PDE4B: variants seen among roughly 807,000 people sequenced by gnomAD.
The protein encoded by PDE4B is phosphodiesterase 4B.
Under a neutral mutation model 82.2 loss-of-function variants are expected in PDE4B, and 20 were observed. The observed-to-expected ratio is 0.24, with a 90% CI of 0.17 to 0.35. PDE4B has a LOEUF of 0.35. Ranked by LOEUF, PDE4B falls within the 10% of genes least tolerant of loss-of-function variation. PDE4B has a pLI of 1.00. For missense variants in PDE4B, 655 were observed against 907.2 expected (o/e 0.72, Z 3.57); for synonymous variants, 320 against 318.9 (o/e 1.00, Z -0.04).
chr1:66,010,081 A>T (rs1227082183), intron 3 of PDE4B, among the ~76,000 whole-genome samples: 2 of 152,072 alleles, frequency 1.3e-5, no homozygotes, highest in African/African-American at 2.4e-5. Context: ...AACACATGGT[A>T]GCACATGGTA....
chr1:65,856,268 C>T (rs1373303146), intron 1 of PDE4B, among the ~76,000 whole-genome samples: 1 of 152,064 alleles, frequency 6.6e-6, no homozygotes, highest in African/African-American at 2.4e-5. Context: ...TATACATGTG[C>T]CATGGTGGTT....
chr1:65,972,774 G>A (rs1386160624), intron 3 of PDE4B, among the ~76,000 whole-genome samples: 1 of 152,012 alleles, frequency 6.6e-6, no homozygotes, highest in Non-Finnish European at 1.5e-5. Flanking sequence ...TTTAGATGCA[G>A]TTCCACTGTA....
intron 3 of PDE4B, among the ~76,000 whole-genome samples, chr1:65,943,384 G>A (rs1242203272): frequency 6.6e-6 from 1 of 151,944 alleles, no homozygotes; most frequent in East Asian, 1.9e-4. Flanking sequence ...ACAGCACCAT[G>A]CTGTTTTGAT....
At chr1:66,075,208 C>T (rs1656356070) in intron 3 of PDE4B, among the ~76,000 whole-genome samples, 1 of 151,986 alleles carries the variant, frequency 6.6e-6, no homozygotes, top group Non-Finnish European at 1.5e-5. Flanking sequence ...ACCAGCTCAC[C>T]TTTGAATTAT....
intron 10 of PDE4B, 130 bp downstream of exon 10, chr1:66,361,923 T>A: frequency 1.4e-6 from 1 of 691,868 alleles, no homozygotes; most frequent in African/African-American, 1.8e-5. Context: ...GAAGCTCATA[T>A]GAAATGACTT....
chr1:66,320,247 A>G (rs2180335), intron 7 of PDE4B, among the ~76,000 whole-genome samples: 71,937 of 151,750 alleles, frequency 0.47, 18,414 homozygotes, highest in East Asian at 0.81. Flanking sequence ...TATGACAGCT[A>G]TAAAAACCCA....
Position 66,234,161 on chromosome 1 carries a change from T to C in PDE4B, c.282-13299T>C, listed in dbSNP as rs907147880. On this transcript the variant is annotated intron_variant, in intron 3 of 16. Transcript: ENST00000341517. ...TTCTTTATGGAAATGTTTTAAACTTTAAAATTCAATTTCTGTAATAGATAC... is the reference window on the plus strand; with the variant it reads ...TTCTTTATGGAAATGTTTTAAACTTCAAAATTCAATTTCTGTAATAGATAC... Among the ~76,000 whole-genome samples the C allele has an allele frequency of 1.2e-4, 18 of 152,378 alleles. 1 individual carries two copies. The highest frequency in any genetic ancestry group is 3.6e-4 in the African/African-American group (15 of 41,584).
chr1:66,019,465 T>A (rs1241002301), intron 3 of PDE4B, among the ~76,000 whole-genome samples: 1 of 150,246 alleles, frequency 6.7e-6, no homozygotes, highest in Non-Finnish European at 1.5e-5. Context: ...AAGCAATTCA[T>A]CTGCCTCTGC....
intron 3 of PDE4B, among the ~76,000 whole-genome samples, chr1:66,070,135 T>C (rs556510194): frequency 1.3e-5 from 2 of 152,166 alleles, no homozygotes; most frequent in South Asian, 4.1e-4. Flanking sequence ...TGAATTCTTT[T>C]TGGGCAAGTG....
chr1:66,005,117 A>G (rs879921150), intron 3 of PDE4B, among the ~76,000 whole-genome samples: 1 of 152,086 alleles, frequency 6.6e-6, no homozygotes, highest in African/African-American at 2.4e-5. Context: ...ATTTCGGTAT[A>G]TGTAAAGAGC....
intron 3 of PDE4B, among the ~76,000 whole-genome samples, chr1:66,062,629 T>C (rs1474106634): frequency 6.6e-6 from 1 of 151,984 alleles, no homozygotes; most frequent in African/African-American, 2.4e-5. Flanking sequence ...AAGCAGAGGA[T>C]TGAAAATTGT....
intron 3 of PDE4B, among the ~76,000 whole-genome samples, chr1:66,164,755 CTTTT>C (rs145224852): frequency 4.6e-5 from 4 of 87,876 alleles, no homozygotes; most frequent in African/African-American, 1.4e-4. Flanking sequence ...CTTTTCTTTT[CTTTT>C]TTTTTTTTTT....
At chr1:65,841,222 C>T (rs1646202833) in intron 1 of PDE4B, among the ~76,000 whole-genome samples, 1 of 152,026 alleles carries the variant, frequency 6.6e-6, no homozygotes, top group African/African-American at 2.4e-5. Flanking sequence ...TGCTTTAACC[C>T]AGGAGGCAGA....
At chr1:66,212,577 A>G (rs892097155) in intron 3 of PDE4B, among the ~76,000 whole-genome samples, 3 of 152,070 alleles carry the variant, frequency 2.0e-5, no homozygotes, top group Non-Finnish European at 4.4e-5. Flanking sequence ...ACTTTCTAAT[A>G]TACTATATAA....
intron 3 of PDE4B, among the ~76,000 whole-genome samples, chr1:66,054,278 A>G (rs991485388): frequency 6.6e-6 from 1 of 152,198 alleles, no homozygotes; most frequent in African/African-American, 2.4e-5. Flanking sequence ...AGGAACATGC[A>G]TTCGGATATT....
intron 7 of PDE4B, among the ~76,000 whole-genome samples, chr1:66,308,737 C>T (rs1270711570): frequency 1.3e-5 from 2 of 152,084 alleles, no homozygotes; most frequent in African/African-American, 2.4e-5. Flanking sequence ...GCCACCTTTT[C>T]TAATGAGAAA....
At chr1:65,855,890 C>T (rs1336770355) in intron 1 of PDE4B, among the ~76,000 whole-genome samples, 2 of 152,044 alleles carry the variant, frequency 1.3e-5, no homozygotes, top group Non-Finnish European at 2.9e-5. Context: ...ACCTCATTTG[C>T]CTGCAGTCAT....
intron 7 of PDE4B, among the ~76,000 whole-genome samples, chr1:66,303,163 A>T (rs925877927): frequency 6.6e-6 from 1 of 152,098 alleles, no homozygotes. Flanking sequence ...CTGGATAAAC[A>T]TTTCTTGAGA....
chr1:65,960,847 T>C (rs1171145467), intron 3 of PDE4B, among the ~76,000 whole-genome samples: 1 of 152,118 alleles, frequency 6.6e-6, no homozygotes, highest in African/African-American at 2.4e-5. Flanking sequence ...TAAAGATTTG[T>C]AAATATATAA....
Sources: allele counts gnomAD v4.1 joint callset (sites outside exome capture counted in the v4.1 genomes callset), GRCh38; gene constraint gnomAD v4.1.1; transcripts MANE v1.5; gene names NCBI Gene and HGNC (gene_info 2026-07-23, HGNC 2026-07-21).